Variants in WDR7 observed in about 807,000 individuals in gnomAD.
WDR7 encodes WD repeat domain 7, also known as WD repeat-containing protein 7.
A neutral mutation model predicts 169.4 loss-of-function variants in WDR7; 46 were observed. The ratio of observed to expected loss-of-function variants is 0.27; its 90% CI spans 0.21 to 0.35. The LOEUF is 0.35. Among genes scored for constraint, WDR7 ranks in the 10% least tolerant of loss-of-function variants. The pLI is 1.00. For missense variants in WDR7, 1,534 were observed against 1,859.3 expected (o/e 0.83, Z 3.22); for synonymous variants, 612 against 666.8 (o/e 0.92, Z 1.27).
intron 26 of WDR7, among the ~76,000 whole-genome samples, chr18:57,005,568 G>T (rs949872846): frequency 6.6e-6 from 1 of 152,120 alleles, no homozygotes; most frequent in African/African-American, 2.4e-5. Flanking sequence ...TCTTCTGAGG[G>T]ATGGGATTTG....
At chr18:56,944,534 A>G (rs1348170528) in intron 25 of WDR7, among the ~76,000 whole-genome samples, 1 of 152,170 alleles carries the variant, frequency 6.6e-6, no homozygotes. Context: ...TTGTTCTGTG[A>G]TAACTTTCTT....
At chr18:56,902,934 T>C (rs182309115) in intron 21 of WDR7, among the ~76,000 whole-genome samples, 32 of 152,332 alleles carry the variant, frequency 2.1e-4, no homozygotes, top group African/African-American at 7.5e-4. Context: ...TCTAGGAATG[T>C]GTGAATTTTT....
intron 12 of WDR7, among the ~76,000 whole-genome samples, chr18:56,701,102 C>T (rs1295035294): frequency 6.6e-6 from 1 of 152,162 alleles, no homozygotes; most frequent in South Asian, 2.1e-4. Flanking sequence ...TTAAATGTTC[C>T]AAGAAATATA....
intron 19 of WDR7, among the ~76,000 whole-genome samples, chr18:56,785,699 G>A (rs955615207): frequency 6.6e-6 from 1 of 152,090 alleles, no homozygotes; most frequent in African/African-American, 2.4e-5. Flanking sequence ...AAAGCATCTG[G>A]TCTTACTGAC....
chr18:56,895,155 T>TA (rs1355272500), intron 21 of WDR7, among the ~76,000 whole-genome samples: 1 of 152,000 alleles, frequency 6.6e-6, no homozygotes, highest in East Asian at 1.9e-4. Context: ...AAATAAGAGT[T>TA]ATAAATATTG....
chr18:56,676,895 T>G (rs1168336063), intron 2 of WDR7, among the ~76,000 whole-genome samples: 1 of 152,152 alleles, frequency 6.6e-6, no homozygotes, highest in Admixed American at 6.6e-5. Context: ...ATTACAGGCA[T>G]GAGCCAGGGG....
At chr18:57,012,646 T>C (rs1417086828) in intron 26 of WDR7, among the ~76,000 whole-genome samples, 3 of 152,220 alleles carry the variant, frequency 2.0e-5, no homozygotes, top group Non-Finnish European at 4.4e-5. Flanking sequence ...CAGACATCAC[T>C]CAAGGTCTTT....
rs189656229 is a variant in WDR7 at position 56,901,171 on chromosome 18, C to T, written c.3526+21006C>T. Among the ~76,000 whole-genome samples the T allele has an allele frequency of 1.0e-3, 159 of 151,982 alleles. No individual in the cohort carries two copies. In the East Asian group the frequency reaches 0.021, roughly 20 times the overall value. ...TCCCAGCACTTGGGGAGGCTAAGGC[C>T]GAAGGATTGCTTGAGGCCAGGAGTT... On this transcript the variant is annotated intron_variant, in intron 21 of 27. Coordinates refer to ENST00000254442, the MANE Select transcript of WDR7 (RefSeq NM_015285.3).
chr18:56,761,008 T>C (rs1025864026), intron 16 of WDR7, among the ~76,000 whole-genome samples: 1 of 152,192 alleles, frequency 6.6e-6, no homozygotes, highest in Non-Finnish European at 1.5e-5. Context: ...ATATTTTCTT[T>C]TGTGAAGTAA....
chr18:56,930,120 C>T (rs535798912), intron 22 of WDR7, among the ~76,000 whole-genome samples: 2 of 152,326 alleles, frequency 1.3e-5, no homozygotes, highest in African/African-American at 4.8e-5. Flanking sequence ...TAGTGAATTA[C>T]AGACTGCCCA....
intron 17 of WDR7, among the ~76,000 whole-genome samples, chr18:56,778,054 G>A (rs2044266150): frequency 6.6e-6 from 1 of 151,868 alleles, no homozygotes; most frequent in South Asian, 2.1e-4. Context: ...GAAATTACTA[G>A]GTATATACAT....
At chr18:56,768,755 G>T (rs1235637705) in intron 16 of WDR7, among the ~76,000 whole-genome samples, 1 of 152,066 alleles carries the variant, frequency 6.6e-6, no homozygotes, top group Non-Finnish European at 1.5e-5. Context: ...GACTTACAAT[G>T]TCTTTTTAAG....
intron 20 of WDR7, among the ~76,000 whole-genome samples, chr18:56,819,685 A>C (rs2045051960): frequency 1.3e-5 from 2 of 152,168 alleles, no homozygotes; most frequent in South Asian, 4.1e-4. Context: ...AACCTATTAC[A>C]ATATGCATGG....
chr18:56,821,649 C>CTTT (rs34413613), intron 20 of WDR7, among the ~76,000 whole-genome samples: 38 of 143,084 alleles, frequency 2.7e-4, no homozygotes, highest in African/African-American at 9.0e-4. Context: ...CATACCCCTC[C>CTTT]TTTTTTTTTT....
chr18:56,893,719 G>T (rs1011141270), intron 21 of WDR7, among the ~76,000 whole-genome samples: 2 of 152,114 alleles, frequency 1.3e-5, no homozygotes, highest in Admixed American at 1.3e-4. Flanking sequence ...TATACCTTTG[G>T]TTTTTAAATT....
chr18:56,675,440 T>G (rs1306132582), intron 2 of WDR7, among the ~76,000 whole-genome samples: 1 of 152,176 alleles, frequency 6.6e-6, no homozygotes, highest in Non-Finnish European at 1.5e-5. Flanking sequence ...TTTGTTAAAT[T>G]TATTTCAAAG....
intron 16 of WDR7, among the ~76,000 whole-genome samples, chr18:56,761,882 T>C (rs2043985785): frequency 1.3e-5 from 2 of 152,086 alleles, no homozygotes; most frequent in Admixed American, 6.5e-5. Flanking sequence ...ATTAAAATAA[T>C]TTATCTGGGG....
chr18:56,853,224 C>T (rs1468328280), intron 20 of WDR7, among the ~76,000 whole-genome samples: 1 of 152,134 alleles, frequency 6.6e-6, no homozygotes, highest in South Asian at 2.1e-4. Flanking sequence ...TGATGACTTT[C>T]TTCCAGTCCT....
intron 14 of WDR7, among the ~76,000 whole-genome samples, chr18:56,754,281 GTGTGTA>G (rs1486369463): frequency 1.6e-3 from 199 of 124,490 alleles, no homozygotes; most frequent in African/African-American, 4.4e-3. Context: ...GTGTGTGTGT[GTGTGTA>G]TATGTGTGTG....
Sources: allele counts gnomAD v4.1 joint callset (sites outside exome capture counted in the v4.1 genomes callset), GRCh38; gene constraint gnomAD v4.1.1; transcripts MANE v1.5; gene names NCBI Gene and HGNC (gene_info 2026-07-23, HGNC 2026-07-21).